ANO7: variants seen among roughly 807,000 people sequenced by gnomAD.
ANO7 encodes anoctamin 7.
Under a neutral mutation model 115.8 loss-of-function variants are expected in ANO7, and 114 were observed. That is an observed-to-expected ratio of 0.98 (90% confidence interval 0.85 to 1.15). ANO7 has a LOEUF of 1.15. Ranked by LOEUF, ANO7 falls within the 50% of genes most tolerant of loss-of-function variation. The pLI, the probability that ANO7 is intolerant of heterozygous loss-of-function variation, is 0.00. For missense variants in ANO7, 1,302 were observed against 1,201.2 expected (o/e 1.08, Z -1.24); for synonymous variants, 550 against 498.2 (o/e 1.10, Z -1.38).
intron 17 of ANO7, 55 bp downstream of exon 17, chr2:241,212,681 T>G: frequency 6.6e-7 from 1 of 1,520,788 alleles, no homozygotes; most frequent in Non-Finnish European, 8.9e-7. Flanking sequence ...TCCTCTCACT[T>G]CCATTCTTCC....
the ANO7 span, among the ~76,000 whole-genome samples, chr2:241,237,872 G>C: frequency 6.6e-6 from 1 of 152,220 alleles, no homozygotes; most frequent in South Asian, 2.1e-4. Flanking sequence ...GAGTTTATTA[G>C]TTTCCTACTC....
At chr2:241,239,767 G>A in the ANO7 span, 24 of 1,614,028 alleles carry the variant, frequency 1.5e-5, no homozygotes, top group Admixed American at 3.2e-4. The surrounding 1 kb of genome is among the most constrained non-coding windows in gnomAD (Gnocchi z 4.6). Flanking sequence ...TGCGGATGAC[G>A]AAGTGGCGGT....
chr2:241,230,952 A>T (rs780459901), downstream of ANO7: 1 of 1,610,662 alleles, frequency 6.2e-7, no homozygotes, highest in East Asian at 2.2e-5. This position sits in a 1 kb window ranked among gnomAD's most constrained non-coding sequence, Gnocchi z 5.0. Context: ...GGGCTAAAAA[A>T]GGAGAATGTA....
intron 4 of ANO7, among the ~76,000 whole-genome samples, chr2:241,198,506 G>A (rs557750783): frequency 2.2e-4 from 33 of 152,336 alleles, no homozygotes; most frequent in African/African-American, 7.5e-4. Context: ...AGGGGACGCC[G>A]GTGGCCCCAG....
intron 17 of ANO7, among the ~76,000 whole-genome samples, chr2:241,214,270 C>T (rs537954713): frequency 5.7e-4 from 87 of 152,268 alleles, no homozygotes; most frequent in Non-Finnish European, 1.0e-3. Context: ...CAGGGCTACG[C>T]GGGCTTAGGT....
rs1039017971 is a variant in ANO7, at chr2:241,212,762, G to A, written c.1728+136G>A. 8.3e-5 allele frequency: 80 copies of A among 966,206 alleles called. 1 individual carries two copies. In the South Asian group the frequency reaches 1.2e-3, roughly 15 times the overall value. 59.9% of individuals were successfully genotyped at this position (966,206 alleles called of 1,614,324 possible). On this transcript the variant is annotated intron_variant, in intron 17 of 24. Coordinates refer to ENST00000674324, the MANE Select transcript of ANO7 (RefSeq NM_001370694.2). The stretch of plus-strand genomic sequence containing the variant: ...CCATCGCCCAGCCAGGGCCAGCTGT[G>A]CAGCTGACCACTCAGGGCTCCCAGC...
chr2:241,232,984 A>G, the ANO7 span, among the ~76,000 whole-genome samples: 2 of 144,256 alleles, frequency 1.4e-5, no homozygotes, highest in Non-Finnish European at 3.1e-5. Context: ...CTGGGGAGGA[A>G]GAAGGGGAAG....
downstream of ANO7, chr2:241,229,869 C>T (rs772630121): frequency 3.2e-6 from 5 of 1,586,922 alleles, no homozygotes; most frequent in Middle Eastern, 1.7e-4. Context: ...GTGCGTCCCG[C>T]ACCACAAAGC....
chr2:241,201,216 C>T, intron 6 of ANO7, 82 bp from the exon 7 acceptor site: 2 of 1,503,272 alleles, frequency 1.3e-6, no homozygotes. Context: ...GTTCACATGC[C>T]CGCAGCTTCC....
chr2:241,240,275 C>CA, the ANO7 span: 2 of 703,222 alleles, frequency 2.8e-6, no homozygotes, highest in East Asian at 5.3e-5. This position sits in a 1 kb window ranked among gnomAD's most constrained non-coding sequence, Gnocchi z 5.5. Context: ...ATGGGGCTAG[C>CA]ACACCTCACT....
In ANO7 at chr2:241,209,664, G is replaced by A. The variant is rs112764540; in HGVS notation, c.1359+29G>A. 45 of 1,510,114 alleles carry A rather than the reference G, an allele frequency of 3.0e-5. No homozygotes were observed. In the East Asian group the frequency reaches 6.6e-4, roughly 22 times the overall value. 93.5% of individuals were successfully genotyped at this position (1,510,114 alleles called of 1,614,324 possible). Reference sequence around the variant, plus strand: ...TGCGGTCCCCCTGCCCTCCGCTCACGCCTCCATCCTCCTGCACCATGTGGG... The same window carrying A: ...TGCGGTCCCCCTGCCCTCCGCTCACACCTCCATCCTCCTGCACCATGTGGG... On this transcript the variant is annotated intron_variant, in intron 13 of 24. Transcript: ENST00000674324.
chr2:241,220,896 G>A (rs751057378), intron 21 of ANO7, among the ~76,000 whole-genome samples: 6 of 146,690 alleles, frequency 4.1e-5, no homozygotes, highest in South Asian at 2.2e-4. Context: ...ATTTCAACTC[G>A]GGAGGCGGAG....
intron 2 of ANO7, 23 bp downstream of exon 2, chr2:241,190,194 GGTGCGACTT>G: frequency 1.3e-6 from 2 of 1,543,978 alleles, no homozygotes; most frequent in Middle Eastern, 3.4e-4. Flanking sequence ...AGGAGACTGT[GGTGCGACTT>G]GAGAGGTCCT....
chr2:241,218,744 G>T (rs2068933734), intron 21 of ANO7, among the ~76,000 whole-genome samples: 1 of 152,194 alleles, frequency 6.6e-6, no homozygotes, highest in African/African-American at 2.4e-5. Context: ...GGAGCTCGCC[G>T]AAAAAGAAAT....
chr2:241,223,549 G>T, intron 22 of ANO7, 113 bp from the exon 23 acceptor site: 1 of 1,500,254 alleles, frequency 6.7e-7, no homozygotes. Context: ...CTGCACAGCT[G>T]CTTTCTGACT....
chr2:241,192,884 A>ACCAT (rs2068236874), intron 3 of ANO7, among the ~76,000 whole-genome samples: 7 of 151,914 alleles, frequency 4.6e-5, no homozygotes, highest in Non-Finnish European at 7.4e-5. Context: ...ATAGAGAGAG[A>ACCAT]AGGTAGAATG....
chr2:241,192,585 C>T (rs942675792), intron 3 of ANO7, among the ~76,000 whole-genome samples: 1 of 152,162 alleles, frequency 6.6e-6, no homozygotes, highest in Non-Finnish European at 1.5e-5. Context: ...TCTCCAAATA[C>T]AGTTTCATTC....
chr2:241,203,436 A>G lies in ANO7; in HGVS notation c.827A>G (p.Gln276Arg). ...CGCTGGGGCAAGTGGAACAAGTACCAGCCCCTGGACCACGTGCGCAGGTAC... is the reference window on the plus strand; with the variant it reads ...CGCTGGGGCAAGTGGAACAAGTACCGGCCCCTGGACCACGTGCGCAGGTAC... ...WARWGKWNKY[Q>R]PLDHVRRYFG... Residue 276 changes from glutamine (Q) to arginine (R), a missense_variant, in exon 9 of 25, where the codon CAG (glutamine) becomes CGG (arginine). By Grantham distance (43) the Gln-to-Arg change is conservative. Coordinates refer to ENST00000674324, the MANE Select transcript of ANO7 (RefSeq NM_001370694.2). This position sits in a 1 kb window ranked among gnomAD's most constrained non-coding sequence, Gnocchi z 4.8. The G allele has an allele frequency of 6.3e-7, 1 of 1,593,692 alleles. No homozygotes were observed. Among genetic ancestry groups the G allele is most frequent in the Non-Finnish European group, 8.5e-7 (1 of 1,171,216 alleles).
At chr2:241,207,274 G>T (rs1298677660) in intron 10 of ANO7, among the ~76,000 whole-genome samples, 1 of 152,216 alleles carries the variant, frequency 6.6e-6, no homozygotes. Context: ...GGGCAGGAGT[G>T]CTCCCATGCT....
Sources: gnomAD v4.1 joint callset for allele counts (sites outside exome capture counted in the v4.1 genomes callset) on GRCh38, gnomAD v4.1.1 for gene constraint, Gnocchi (gnomAD v3.1) non-coding constraint, MANE v1.5 for transcripts, NCBI Gene and HGNC (gene_info 2026-07-23, HGNC 2026-07-21) for gene names.